The following RNF168 variants were observed in gnomAD, a reference collection of about 807,000 sequenced individuals.
RNF168 encodes ring finger protein 168, also known as E3 ubiquitin-protein ligase RNF168.
RNF168 carries 34 observed loss-of-function variants against 34.9 expected under a neutral mutation model. That is an observed-to-expected ratio of 0.97 (90% CI 0.74 to 1.30). The LOEUF (loss-of-function observed/expected upper bound fraction) is 1.30, where lower values mean the gene tolerates loss of function less well. Among genes scored for constraint, RNF168 ranks in the 50% most tolerant of loss-of-function variants. RNF168 has a pLI of 0.00. For synonymous variants in RNF168, 264 were observed against 254.7 expected (o/e 1.04, Z -0.35); for missense variants, 725 against 682.5 (o/e 1.06, Z -0.69).
At chr3:196,489,815 G>A (rs1249517018) in intron 1 of RNF168, among the ~76,000 whole-genome samples, 4 of 152,132 alleles carry the variant, frequency 2.6e-5, no homozygotes, top group South Asian at 2.1e-4. Flanking sequence ...GTAACCGTGG[G>A]ACTGAAAACA....
chr3:196,474,931 T>C, intron 5 of RNF168: 1 of 373,408 alleles, frequency 2.7e-6, no homozygotes, highest in Non-Finnish European at 5.1e-6. Context: ...ATATTATCTA[T>C]AGATGCTTTC....
rs1464460445 is a variant in RNF168, at chr3:196,472,216, T to C, written c.1319A>G (p.His440Arg). Residue 440 changes from histidine (H) to arginine (R), a missense_variant, in exon 6 of 6, where the codon CAT becomes CGT. Coordinates refer to ENST00000318037, the MANE Select transcript of RNF168 (RefSeq NM_152617.4). ...IDLEHLLFER[H>R]KQEEQDRLLA... is the part of the protein sequence containing the mutation. ...TAACCTGTCCTGTTCTTCTTGTTTA[T>C]GTCTCTCAAACAGTAGATGCTCCAA... The C allele has an allele frequency of 6.2e-7, 1 of 1,614,088 alleles. No individual in the cohort carries two copies.
chr3:196,473,730 C>T (rs1398168213), intron 5 of RNF168, among the ~76,000 whole-genome samples: 1 of 152,070 alleles, frequency 6.6e-6, no homozygotes, highest in African/African-American at 2.4e-5. Flanking sequence ...GGGTATAAGC[C>T]TGTAGTCCCA....
In RNF168 at chr3:196,472,514, T is replaced by C; in HGVS notation, c.1021A>G (p.Lys341Glu). ...CCACAAGGCATAACTGCAGTTTCTTTCGAGTAGGGAACTCTGGTTTTAGGT... is the reference window on the plus strand; with the variant it reads ...CCACAAGGCATAACTGCAGTTTCTTCCGAGTAGGGAACTCTGGTTTTAGGT... ...ERPKTRVPYSKETAVMPCGRT... is the reference protein window; with the variant it reads ...ERPKTRVPYSEETAVMPCGRT... The change falls in exon 6 of 6, where the codon AAA becomes GAA. Residue 341 changes from lysine (K) to glutamate (E), a missense_variant. Lys to Glu is a moderately conservative substitution (Grantham distance 56, BLOSUM62 1). Coordinates refer to ENST00000318037, the MANE Select transcript of RNF168 (RefSeq NM_152617.4). The C allele has an allele frequency of 6.2e-7, 1 of 1,614,244 alleles. No individual in the cohort carries two copies. Among genetic ancestry groups the C allele is most frequent in the African/African-American group, 1.3e-5 (1 of 75,072 alleles).
intron 1 of RNF168, among the ~76,000 whole-genome samples, chr3:196,500,505 G>A (rs1224332816): frequency 6.6e-6 from 1 of 152,144 alleles, no homozygotes; most frequent in Non-Finnish European, 1.5e-5. Context: ...GATAGTAGGA[G>A]GGAGGAACGG....
chr3:196,497,110 C>T (rs1732760981), intron 1 of RNF168, among the ~76,000 whole-genome samples: 1 of 151,894 alleles, frequency 6.6e-6, no homozygotes, highest in Non-Finnish European at 1.5e-5. Context: ...CACGCCACTG[C>T]ACTCCAGCCT....
rs749265205 is a variant in RNF168, at chr3:196,483,805, AC to A, written c.644del (p.Ser215IlefsTer15). On this transcript the variant is annotated frameshift_variant, in exon 4 of 6. Transcript: ENST00000318037. LOFTEE classifies it high-confidence loss of function. ...CTCCAGTGTTTCTTTGTTTGTTCTT[AC>A]TTTTCTTTTCAGACTTGGGTGTAAC... ...DPVTPKSEKK[S>X]KNKQRNTGDI... The A allele has an allele frequency of 9.9e-6, 16 of 1,611,388 alleles. No individual in the cohort carries two copies. In the Admixed American group the frequency reaches 2.5e-4, roughly 25 times the overall value.
At chr3:196,496,840 C>T (rs2108654300) in intron 1 of RNF168, among the ~76,000 whole-genome samples, 1 of 152,170 alleles carries the variant, frequency 6.6e-6, no homozygotes, top group South Asian at 2.1e-4. Flanking sequence ...CCCGTCTCTA[C>T]ATACAAAGAA....
chr3:196,503,550 C>A lies in RNF168; in HGVS notation c.-377G>T, dbSNP rs1464568350. The A allele has an allele frequency of 7.1e-6, 2 of 281,844 alleles. No individual in the cohort carries two copies. Among genetic ancestry groups the A allele is most frequent in the South Asian group, 6.5e-5 (2 of 30,746 alleles). The allele number at this position is 281,844 out of a possible 1,614,324, so 17.5% of individuals were successfully genotyped here. On this transcript the variant is annotated 5_prime_UTR_variant, in exon 1 of 6. An upstream open reading frame in the 5' UTR loses its in-frame stop. Coordinates refer to ENST00000318037, the MANE Select transcript of RNF168 (RefSeq NM_152617.4). ...CCTCACCCGGAAAGGATGCTCCGCT[C>A]AGCTCGGGGCAGCCGGGCCCCGGGA...
At chr3:196,495,356 T>C (rs549120920) in intron 1 of RNF168, among the ~76,000 whole-genome samples, 1 of 152,326 alleles carries the variant, frequency 6.6e-6, no homozygotes, top group South Asian at 2.1e-4. Flanking sequence ...GATAAAAATT[T>C]CACCAACTAT....
chr3:196,501,928 G>A (rs1732897476), intron 1 of RNF168, among the ~76,000 whole-genome samples: 1 of 151,900 alleles, frequency 6.6e-6, no homozygotes, highest in African/African-American at 2.4e-5. Context: ...TATGGTCTGC[G>A]AGCATTTGAA....
chr3:196,480,436 G>T (rs1221282934), intron 4 of RNF168, among the ~76,000 whole-genome samples: 2 of 152,120 alleles, frequency 1.3e-5, no homozygotes, highest in Non-Finnish European at 2.9e-5. Flanking sequence ...CCACACTTTT[G>T]CATCTCTAAA....
chr3:196,499,561 G>A (rs1185266324), intron 1 of RNF168, among the ~76,000 whole-genome samples: 10 of 152,166 alleles, frequency 6.6e-5, no homozygotes, highest in African/African-American at 1.2e-4. Flanking sequence ...GGTGGCTCAC[G>A]CTTGTAATCC....
Position 196,502,880 on chromosome 3 carries a change from C to T in RNF168, c.294G>A (p.Glu98=). 1.2e-6 allele frequency: 2 copies of T among 1,613,852 alleles called. No homozygotes were observed. ...CKLRASGQES[E]EVADDYQPVR... ...ACGCCATGGTTTACTCACCCACTTC[C>T]TCTGATTCTTGGCCAGACGCTCTAA... The change falls in exon 1 of 6, where the codon GAG becomes GAA. Residue 98 remains glutamate, a synonymous_variant. Transcript: ENST00000318037.
intron 5 of RNF168, among the ~76,000 whole-genome samples, chr3:196,473,597 G>A (rs1000049665): frequency 2.8e-4 from 42 of 152,170 alleles, no homozygotes; most frequent in African/African-American, 5.3e-4. Flanking sequence ...GCTCATGCCT[G>A]TAATCACAGC....
chr3:196,477,929 G>C (rs1046346150), intron 4 of RNF168, among the ~76,000 whole-genome samples: 1 of 151,954 alleles, frequency 6.6e-6, no homozygotes, highest in Non-Finnish European at 1.5e-5. Flanking sequence ...AAATTAAAAA[G>C]AAAAATTAGC....
In RNF168 at chr3:196,475,259, T is replaced by G. The variant is rs141019814; in HGVS notation, c.734A>C (p.Gln245Pro). The G allele has an allele frequency of 8.1e-6, 13 of 1,610,208 alleles. No individual in the cohort carries two copies. The highest frequency in any genetic ancestry group is 1.3e-5 in the African/African-American group (1 of 74,854). ...AGATACGGAGTCTTTCCTGACTTCT[T>G]GTACAGCTTCAGAGTGTGAGGCTGA... is the stretch of plus-strand genomic sequence containing the variant. ...FGSASHSEAV[Q>P]EVRKDSVSKD... Residue 245 changes from glutamine (Q) to proline (P), a missense_variant, in exon 5 of 6, where the codon CAA (glutamine) becomes CCA (proline). Gln to Pro is a moderately conservative substitution (Grantham distance 76). Coordinates refer to ENST00000318037, the MANE Select transcript of RNF168 (RefSeq NM_152617.4).
intron 1 of RNF168, among the ~76,000 whole-genome samples, chr3:196,502,474 G>T (rs891308475): frequency 2.0e-5 from 3 of 151,894 alleles, no homozygotes; most frequent in Non-Finnish European, 4.4e-5. Flanking sequence ...TGTAACCCCA[G>T]CTACTCGGGA....
intron 1 of RNF168, among the ~76,000 whole-genome samples, chr3:196,490,080 C>T (rs1732557368): frequency 6.6e-6 from 1 of 152,198 alleles, no homozygotes; most frequent in Admixed American, 6.5e-5. Flanking sequence ...CTTCCACATA[C>T]ACAGAGCTTT....
Sources: gnomAD v4.1 joint callset for allele counts (sites outside exome capture counted in the v4.1 genomes callset) on GRCh38, gnomAD v4.1.1 for gene constraint, MANE v1.5 for transcripts, NCBI Gene and HGNC (gene_info 2026-07-23, HGNC 2026-07-21) for gene names.